Variants in PAK2 observed in about 807,000 individuals in gnomAD.
PAK2 encodes serine/threonine-protein kinase PAK 2.
Under a neutral mutation model 65.9 loss-of-function variants are expected in PAK2, and 21 were observed. The observed-to-expected ratio is 0.32, with a 90% CI of 0.23 to 0.46. PAK2 has a LOEUF of 0.46. PAK2 is among the 20% of genes least tolerant of loss of function. The probability of loss-of-function intolerance (pLI) is 1.00; values close to 1 mark genes in which losing one functional copy is unlikely to be tolerated. For synonymous variants in PAK2, 204 were observed against 219.7 expected, an observed-to-expected ratio of 0.93 and a Z score of 0.63; for missense variants, 324 against 642.6, an observed-to-expected ratio of 0.50 and a Z score of 5.36.
At chr3:196,756,516 A>G (rs1205280168) in intron 1 of PAK2, among the ~76,000 whole-genome samples, 1 of 152,134 alleles carries the variant, frequency 6.6e-6, no homozygotes, top group Non-Finnish European at 1.5e-5. Flanking sequence ...AAATATTTGA[A>G]TGAATGAATA....
At chr3:196,752,726 G>A (rs1224553738) in intron 1 of PAK2, among the ~76,000 whole-genome samples, 1 of 151,842 alleles carries the variant, frequency 6.6e-6, no homozygotes, top group Non-Finnish European at 1.5e-5. Context: ...TCAGCCTCCC[G>A]AATAGCTGGG....
At chr3:196,824,293 A>G (rs1001528909) in intron 13 of PAK2, among the ~76,000 whole-genome samples, 1 of 152,204 alleles carries the variant, frequency 6.6e-6, no homozygotes, top group African/African-American at 2.4e-5. Flanking sequence ...GGGGGGAAAA[A>G]GCATATTGGT....
chr3:196,751,666 T>TA (rs1560089758), intron 1 of PAK2, among the ~76,000 whole-genome samples: 553 of 41,164 alleles, frequency 0.013, 24 homozygotes, highest in Admixed American at 0.053. Context: ...CACAAATTTA[T>TA]TTATATACAT....
In PAK2 at chr3:196,802,083, T is replaced by C. The variant is rs759520401; in HGVS notation, c.288+56T>C. On this transcript the variant is annotated intron_variant, in intron 3 of 14. Coordinates refer to ENST00000327134, the MANE Select transcript of PAK2 (RefSeq NM_002577.4). The stretch of plus-strand genomic sequence containing the variant: ...ACGTTTAAAATAGCACTCAAACATT[T>C]TCCTTCATTATTAAATTTGAAATTA... The C allele has an allele frequency of 7.8e-6, 7 of 896,612 alleles. No homozygotes were observed. The South Asian group carries it at 8.2e-5, about 11-fold the overall frequency. 55.5% of individuals were successfully genotyped at this position (896,612 alleles called of 1,614,324 possible). A position where few individuals can be genotyped will look rare whatever the true frequency, so the allele number is the denominator to read the frequency against.
intron 2 of PAK2, among the ~76,000 whole-genome samples, chr3:196,789,948 G>A (rs192820005): frequency 3.9e-5 from 6 of 152,324 alleles, no homozygotes; most frequent in African/African-American, 1.4e-4. Context: ...TCTGACAGGA[G>A]GTGGCGCTCA....
At chr3:196,788,483 C>T (rs1022362681) in intron 2 of PAK2, among the ~76,000 whole-genome samples, 41 of 152,282 alleles carry the variant, frequency 2.7e-4, no homozygotes, top group African/African-American at 8.9e-4. Flanking sequence ...CCTTTTGGAT[C>T]GTGCCGTTTT....
chr3:196,745,829 A>G (rs78736381), intron 1 of PAK2, among the ~76,000 whole-genome samples: 8,900 of 151,674 alleles, frequency 0.059, 374 homozygotes, highest in African/African-American at 0.11. Flanking sequence ...AAAAAAAAAA[A>G]AAGAAGAAGT....
At chr3:196,800,599 G>T (rs1313822762) in intron 2 of PAK2, among the ~76,000 whole-genome samples, 1 of 152,074 alleles carries the variant, frequency 6.6e-6, no homozygotes, top group African/African-American at 2.4e-5. Flanking sequence ...ATTACAAAAT[G>T]GCAATAAAAT....
At chr3:196,800,524 C>T (rs1715392512) in intron 2 of PAK2, among the ~76,000 whole-genome samples, 1 of 152,078 alleles carries the variant, frequency 6.6e-6, no homozygotes, top group Non-Finnish European at 1.5e-5. Context: ...ATGCAGAGGA[C>T]CTCGATTACC....
intron 1 of PAK2, among the ~76,000 whole-genome samples, chr3:196,761,827 G>C (rs1387049088): frequency 1.1e-5 from 1 of 94,896 alleles, no homozygotes; most frequent in Non-Finnish European, 2.4e-5. Flanking sequence ...CTGGCCGGGC[G>C]GGGGGCTGAC....
At chr3:196,746,686 T>C (rs921850725) in intron 1 of PAK2, among the ~76,000 whole-genome samples, 10 of 151,996 alleles carry the variant, frequency 6.6e-5, no homozygotes, top group African/African-American at 2.4e-4. Flanking sequence ...GGCAGGTGCC[T>C]GTAGTCCCAG....
intron 1 of PAK2, among the ~76,000 whole-genome samples, chr3:196,782,255 T>C (rs1003262094): frequency 2.0e-5 from 3 of 150,694 alleles, no homozygotes; most frequent in Non-Finnish European, 2.9e-5. Context: ...CCCCAAGATA[T>C]CCTATAATTT....
At chr3:196,775,863 A>G (rs970882558) in intron 1 of PAK2, among the ~76,000 whole-genome samples, 1 of 152,220 alleles carries the variant, frequency 6.6e-6, no homozygotes, top group African/African-American at 2.4e-5. Flanking sequence ...TGGGTTTTCA[A>G]CATGTTAAGG....
chr3:196,806,507 G>A lies in PAK2; in HGVS notation c.469-72G>A, dbSNP rs138294983. The stretch of plus-strand genomic sequence containing the variant: ...CAAAGAAGCAAACTTTTTGAAGTAC[G>A]TTCATAAAGGGCGATAGTCGCATTT... On this transcript the variant is annotated intron_variant, in intron 5 of 14. Transcript: ENST00000327134. The A allele has an allele frequency of 2.9e-3, 2,654 of 905,912 alleles. 57 individuals carry two copies. In the African/African-American group the frequency reaches 0.039, roughly 13 times the overall value. 56.1% of individuals were successfully genotyped at this position (905,912 alleles called of 1,614,324 possible).
intron 1 of PAK2, among the ~76,000 whole-genome samples, chr3:196,765,234 G>A (rs551922929): frequency 2.5e-4 from 35 of 141,222 alleles, no homozygotes; most frequent in African/African-American, 9.4e-4. Context: ...TGCAACCTTT[G>A]CCTCCCGAGT....
intron 1 of PAK2, among the ~76,000 whole-genome samples, chr3:196,750,758 A>ATTT (rs765956328): frequency 0.43 from 57,760 of 133,344 alleles, 12,106 homozygotes; most frequent in Non-Finnish European, 0.52. Flanking sequence ...ATAAAGTTTA[A>ATTT]AAAAAAAAAA....
At chr3:196,814,622 G>A in intron 11 of PAK2, 54 bp downstream of exon 11, 1 of 775,170 alleles carries the variant, frequency 1.3e-6, no homozygotes, top group South Asian at 1.5e-5. Context: ...AGCAAGAAGT[G>A]AACAAAAGGA....
chr3:196,832,145 G>A lies in PAK2; in HGVS notation c.*3740G>A, dbSNP rs1712111568. The A allele has an allele frequency of 6.6e-6, 1 of 152,210 alleles. No homozygotes were observed. Among genetic ancestry groups the A allele is most frequent in the Non-Finnish European group, 1.5e-5 (1 of 68,034 alleles). The allele number at this position is 152,210 out of a possible 1,614,324, so 9.4% of individuals were successfully genotyped here. A position where few individuals can be genotyped will look rare whatever the true frequency, so the allele number is the denominator to read the frequency against. ...ATTCACTTCTCTAGAAAGCTGCCAA[G>A]ACAGAGGCAGAAAGAAATGGATGAT... On this transcript the variant is annotated 3_prime_UTR_variant, in exon 15 of 15. Transcript: ENST00000327134.
intron 14 of PAK2, among the ~76,000 whole-genome samples, chr3:196,827,815 T>C (rs1423465326): frequency 1.3e-5 from 2 of 152,112 alleles, no homozygotes; most frequent in Non-Finnish European, 2.9e-5. Context: ...ATGTGCAGTT[T>C]GTGCATCGTA....
Sources: allele counts gnomAD v4.1 joint callset (sites outside exome capture counted in the v4.1 genomes callset), GRCh38; gene constraint gnomAD v4.1.1; transcripts MANE v1.5; gene names NCBI Gene and HGNC (gene_info 2026-07-23, HGNC 2026-07-21).